Variants in WWOX observed in about 807,000 individuals in gnomAD.
WWOX encodes the protein WW domain containing oxidoreductase, also known as WW domain-containing oxidoreductase.
In WWOX, 69 loss-of-function variants were observed where a neutral mutation model predicts 46.2. The observed-to-expected ratio is 1.49, with a 90% CI of 1.23 to 1.82. The LOEUF is 1.82. WWOX is among the 40% of genes most tolerant of loss of function. The pLI, the probability that WWOX is intolerant of heterozygous loss-of-function variation, is 0.00. For synonymous variants in WWOX, 359 were observed against 202.6 expected, an observed-to-expected ratio of 1.77 and a Z score of -6.56; for missense variants, 919 against 542.6, an observed-to-expected ratio of 1.69 and a Z score of -6.89.
intron 8 of WWOX, among the ~76,000 whole-genome samples, chr16:78,618,571 C>G (rs2046087785): frequency 6.6e-6 from 1 of 152,124 alleles, no homozygotes; most frequent in Admixed American, 6.5e-5. Context: ...GGCTCTGTCT[C>G]CAAACACAGT....
intron 8 of WWOX, among the ~76,000 whole-genome samples, chr16:78,667,384 T>A (rs754635099): frequency 2.0e-5 from 3 of 152,108 alleles, no homozygotes; most frequent in Non-Finnish European, 4.4e-5. Context: ...AAATTAAAAA[T>A]GATATGATGG....
chr16:79,098,467 G>T (rs562250643), intron 8 of WWOX, among the ~76,000 whole-genome samples: 1 of 152,354 alleles, frequency 6.6e-6, no homozygotes, highest in African/African-American at 2.4e-5. Flanking sequence ...GAACTGTCTG[G>T]AAAGAAAAGA....
intron 8 of WWOX, among the ~76,000 whole-genome samples, chr16:78,666,514 C>G (rs939612589): frequency 2.0e-5 from 3 of 152,114 alleles, no homozygotes; most frequent in African/African-American, 7.2e-5. Context: ...AAAGATCTGC[C>G]TAGGTCAGCA....
intron 8 of WWOX, among the ~76,000 whole-genome samples, chr16:79,173,066 G>C (rs891039334): frequency 1.3e-5 from 2 of 152,130 alleles, no homozygotes; most frequent in Admixed American, 6.5e-5. Context: ...CATTGCATTG[G>C]AAAGACCTCC....
intron 8 of WWOX, among the ~76,000 whole-genome samples, chr16:78,621,065 C>A (rs2046168604): frequency 6.6e-6 from 1 of 152,140 alleles, no homozygotes; most frequent in South Asian, 2.1e-4. Context: ...CCTTTAACTT[C>A]CTTTCTCTTC....
intron 4 of WWOX, 135 bp from the exon 5 acceptor site, chr16:78,164,048 C>T: frequency 1.2e-6 from 1 of 817,946 alleles, no homozygotes; most frequent in South Asian, 1.5e-5. Flanking sequence ...ACATTTGCTT[C>T]TGTCCCCTGG....
At position 78,735,218 on chromosome 16, in the gene WWOX, T is replaced by C. The variant is rs148411592; in HGVS notation, c.1056+302466T>C. On this transcript the variant is annotated intron_variant, in intron 8 of 8. Transcript: ENST00000566780. ...ACTTGAACTGAAGCATCAGCATTTC[T>C]TGTGTTTTGATCTTGCTGGAGTTGG... is the stretch of plus-strand genomic sequence containing the variant. Among the ~76,000 whole-genome samples, 254 of 152,222 alleles carry C rather than the reference T, an allele frequency of 1.7e-3. 2 individuals carry two copies. The highest frequency in any genetic ancestry group is 5.9e-3 in the African/African-American group (247 of 41,578).
intron 5 of WWOX, among the ~76,000 whole-genome samples, chr16:78,206,814 C>A (rs2036410144): frequency 6.6e-6 from 1 of 152,126 alleles, no homozygotes; most frequent in African/African-American, 2.4e-5. Flanking sequence ...AGGAATACGT[C>A]CAAGGTCACA....
intron 8 of WWOX, among the ~76,000 whole-genome samples, chr16:78,836,379 A>G (rs1287120033): frequency 1.3e-5 from 2 of 152,068 alleles, no homozygotes. Flanking sequence ...CCTCTCTGTG[A>G]TTTCGGCAGT....
At chr16:78,603,889 C>G (rs1052440639) in intron 8 of WWOX, among the ~76,000 whole-genome samples, 2 of 152,016 alleles carry the variant, frequency 1.3e-5, no homozygotes, top group African/African-American at 4.8e-5. Context: ...CACCTGTAAT[C>G]CCAGCACTTC....
At chr16:78,553,292 A>C (rs1310098587) in intron 8 of WWOX, 3 of 152,300 alleles carry the variant, frequency 2.0e-5, no homozygotes, top group Admixed American at 1.3e-4. Flanking sequence ...AATTTTTTTA[A>C]AAAATGTTTT....
At chr16:79,019,512 A>G (rs2047488744) in intron 8 of WWOX, among the ~76,000 whole-genome samples, 2 of 152,090 alleles carry the variant, frequency 1.3e-5, no homozygotes, top group Non-Finnish European at 2.9e-5. Context: ...CAGCCATCAT[A>G]TATGCAGTCT....
intron 8 of WWOX, among the ~76,000 whole-genome samples, chr16:78,623,375 C>A (rs577160515): frequency 1.3e-5 from 2 of 152,042 alleles, no homozygotes; most frequent in Non-Finnish European, 2.9e-5. Context: ...ATTTGATGAT[C>A]TTATAAGAAA....
At chr16:78,776,820 C>T (rs1309501433) in intron 8 of WWOX, among the ~76,000 whole-genome samples, 1 of 152,094 alleles carries the variant, frequency 6.6e-6, no homozygotes, top group Admixed American at 6.5e-5. Flanking sequence ...GAAACCACCA[C>T]ATATAAAACC....
chr16:79,187,312 C>A (rs1318100136), intron 8 of WWOX, among the ~76,000 whole-genome samples: 1 of 152,122 alleles, frequency 6.6e-6, no homozygotes, highest in Non-Finnish European at 1.5e-5. Flanking sequence ...TATCGTGGTG[C>A]CCCCAAACAT....
chr16:78,747,332 C>T (rs1567533105), intron 8 of WWOX, among the ~76,000 whole-genome samples: 1 of 151,962 alleles, frequency 6.6e-6, no homozygotes, highest in Non-Finnish European at 1.5e-5. Context: ...GCTGAGAGTA[C>T]AGGCATCTGC....
chr16:78,190,439 C>G (rs999656737), intron 5 of WWOX, among the ~76,000 whole-genome samples: 1 of 152,166 alleles, frequency 6.6e-6, no homozygotes, highest in African/African-American at 2.4e-5. Context: ...CTGTCACTTG[C>G]AACCAAATCA....
intron 8 of WWOX, among the ~76,000 whole-genome samples, chr16:78,570,092 C>T (rs1426104929): frequency 6.6e-6 from 1 of 152,160 alleles, no homozygotes; most frequent in Non-Finnish European, 1.5e-5. Flanking sequence ...CATATAACTT[C>T]TTTATTGGTA....
At chr16:78,452,639 C>G (rs1355888627) in intron 8 of WWOX, among the ~76,000 whole-genome samples, 1 of 150,898 alleles carries the variant, frequency 6.6e-6, no homozygotes, top group East Asian at 2.0e-4. Flanking sequence ...CCACACCTGG[C>G]TAATTATTAT....
Sources: gnomAD v4.1 joint callset for allele counts (sites outside exome capture counted in the v4.1 genomes callset) on GRCh38, gnomAD v4.1.1 for gene constraint, MANE v1.5 for transcripts, NCBI Gene and HGNC (gene_info 2026-07-23, HGNC 2026-07-21) for gene names.